BRIX1: variants seen among roughly 807,000 people sequenced by gnomAD.
BRIX1 encodes biogenesis of ribosomes BRX1.
BRIX1 carries 15 observed loss-of-function variants against 44.0 expected under a neutral mutation model. The ratio of observed to expected loss-of-function variants is 0.34; its 90% confidence interval spans 0.23 to 0.53. The LOEUF is 0.53. Among genes scored for constraint, BRIX1 ranks in the 20% least tolerant of loss-of-function variants. BRIX1 has a pLI of 0.95. For missense variants in BRIX1, 420 were observed against 432.8 expected, an observed-to-expected ratio of 0.97 and a Z score of 0.26; for synonymous variants, 149 against 135.4, an observed-to-expected ratio of 1.10 and a Z score of -0.70.
intron 9 of BRIX1, 31 bp downstream of exon 9, chr5:34,925,006 A>G (rs907279388): frequency 9.3e-6 from 15 of 1,606,784 alleles, no homozygotes; most frequent in Non-Finnish European, 1.0e-5. Context: ...GTAGTCTTCA[A>G]TGTACCAGAA....
chr5:34,922,461 T>A, intron 4 of BRIX1, 78 bp from the exon 5 acceptor site: 1 of 979,858 alleles, frequency 1.0e-6, no homozygotes, highest in Non-Finnish European at 1.6e-6. Context: ...ATTATAAGCA[T>A]ATTATTTATG....
chr5:34,916,006 T>TAAC (rs1362602988), intron 1 of BRIX1, 109 bp downstream of exon 1: 2 of 1,311,008 alleles, frequency 1.5e-6, no homozygotes, highest in Non-Finnish European at 2.0e-6. Context: ...GCCCGGGTGT[T>TAAC]AACGGTAGGT....
chr5:34,923,859 T>C (rs1418295745), intron 8 of BRIX1, among the ~76,000 whole-genome samples: 3 of 152,226 alleles, frequency 2.0e-5, no homozygotes, highest in African/African-American at 4.8e-5. Flanking sequence ...CTCTACCTAC[T>C]TCTATTCATG....
intron 8 of BRIX1, 65 bp from the exon 9 acceptor site, chr5:34,924,782 T>C: frequency 3.7e-6 from 4 of 1,084,184 alleles, no homozygotes; most frequent in Non-Finnish European, 4.2e-6. Context: ...AATGAGGTTA[T>C]AGCCAGTATA....
chr5:34,923,605 C>G (rs909988566), intron 8 of BRIX1, among the ~76,000 whole-genome samples: 1 of 151,970 alleles, frequency 6.6e-6, no homozygotes, highest in Non-Finnish European at 1.5e-5. Flanking sequence ...GATAGAGTGT[C>G]GCAGTGTTGC....
chr5:34,922,892 T>C, intron 6 of BRIX1, 109 bp from the exon 7 acceptor site: 1 of 1,215,532 alleles, frequency 8.2e-7, no homozygotes, highest in Non-Finnish European at 1.2e-6. Context: ...TATCAATTCT[T>C]TCAGGTACAT....
intron 4 of BRIX1, 70 bp downstream of exon 4, chr5:34,922,357 T>A: frequency 9.6e-7 from 1 of 1,040,160 alleles, no homozygotes; most frequent in Non-Finnish European, 1.5e-6. Flanking sequence ...TTTTATGTTA[T>A]AGACTCCTAG....
rs148141260 is a variant in BRIX1, at chr5:34,924,517, A to G, written c.664-330A>G. Among the ~76,000 whole-genome samples, 23 of 152,348 alleles carry G rather than the reference A, an allele frequency of 1.5e-4. No individual in the cohort carries two copies. In the East Asian group the frequency reaches 4.0e-3, roughly 27 times the overall value. Reference sequence around the variant, plus strand: ...AAGAGTTCCCCCATAATGTGCTTTAATACATTTTGTTAATAGTGGTTACTG... The same window carrying G: ...AAGAGTTCCCCCATAATGTGCTTTAGTACATTTTGTTAATAGTGGTTACTG... On this transcript the variant is annotated intron_variant, in intron 8 of 9. Transcript: ENST00000336767.
chr5:34,916,277 C>T (rs1325273945), intron 1 of BRIX1: 1 of 158,770 alleles, frequency 6.3e-6, no homozygotes, highest in East Asian at 1.8e-4. Context: ...CATATACTGC[C>T]ATAGTCAGCC....
At chr5:34,921,386 T>C (rs1008133114) in intron 3 of BRIX1, 3 of 152,074 alleles carry the variant, frequency 2.0e-5, no homozygotes, top group African/African-American at 7.2e-5. Flanking sequence ...ATAGTATAAA[T>C]GAAGAACAAC....
Position 34,917,072 on chromosome 5 carries a change from C to T in BRIX1, c.159+1175C>T, listed in dbSNP as rs1764122335. Among the ~76,000 whole-genome samples the T allele has an allele frequency of 2.0e-5, 3 of 151,448 alleles. No homozygotes were observed. The South Asian group carries it at 6.3e-4, about 32-fold the overall frequency. On this transcript the variant is annotated intron_variant, in intron 1 of 9. Coordinates refer to ENST00000336767, the MANE Select transcript of BRIX1 (RefSeq NM_018321.4). ...ATAAAGAATCATGAAGGATTTAGCC[C>T]GTAAGCTGCATATCAGAGGAAGTGT...
chr5:34,925,354 T>C lies in BRIX1; in HGVS notation c.921T>C (p.Phe307=). ...LLPHDPTADV[F]VTPAEEKPIE... The stretch of plus-strand genomic sequence containing the variant: ...CACATGATCCCACTGCAGATGTTTT[T>C]GTAACACCAGCTGAGGAGAAACCAA... The change falls in exon 10 of 10, where the codon TTT becomes TTC. Residue 307 remains phenylalanine, a synonymous_variant. Transcript: ENST00000336767. 2 of 1,614,046 alleles carry C rather than the reference T, an allele frequency of 1.2e-6. No individual in the cohort carries two copies. Among genetic ancestry groups the C allele is most frequent in the Non-Finnish European group, 1.7e-6 (2 of 1,179,994 alleles).
intron 1 of BRIX1, among the ~76,000 whole-genome samples, chr5:34,917,450 G>T (rs1764139762): frequency 6.6e-6 from 1 of 151,776 alleles, no homozygotes; most frequent in South Asian, 2.1e-4. Context: ...TGGCCAAGAT[G>T]GTGAAACCCC....
intron 1 of BRIX1, chr5:34,916,715 C>T (rs1016630247): frequency 6.6e-6 from 1 of 152,218 alleles, no homozygotes; most frequent in African/African-American, 2.4e-5. Context: ...GCATAGTACT[C>T]TAGCGCGGAG....
At chr5:34,923,078 A>G in intron 7 of BRIX1, 27 bp downstream of exon 7, 2 of 1,576,936 alleles carry the variant, frequency 1.3e-6, no homozygotes, top group Non-Finnish European at 1.7e-6. Context: ...TTAGCTATCC[A>G]AAATATACAT....
chr5:34,916,221 T>C (rs1764084431), intron 1 of BRIX1: 1 of 206,546 alleles, frequency 4.8e-6, no homozygotes, highest in Admixed American at 5.7e-5. Flanking sequence ...AGTAGTGCTT[T>C]TCCTTGGTTA....
At chr5:34,915,944 C>A in intron 1 of BRIX1, 47 bp downstream of exon 1, 1 of 1,490,938 alleles carries the variant, frequency 6.7e-7, no homozygotes, top group Non-Finnish European at 8.9e-7. Context: ...CGGCTCTGTG[C>A]GCCTTTTCTT....
rs772242188 is a variant in BRIX1, at chr5:34,922,535, T to C, written c.387-4T>C. 178 of 1,596,236 alleles carry C rather than the reference T, an allele frequency of 1.1e-4. No homozygotes were observed. Among genetic ancestry groups the C allele is most frequent in the Non-Finnish European group, 1.5e-4 (174 of 1,164,594 alleles). On this transcript the variant is annotated splice_polypyrimidine_tract_variant and splice_region_variant and intron_variant, in intron 4 of 9. Transcript: ENST00000336767. ...GTTGAAAAAGCTTACTCCATATCTT[T>C]CAGGCTTTCAAATTCACCTCACGGA...
rs1327268433 is a variant in BRIX1, at chr5:34,915,824, C to T, written c.86C>T (p.Pro29Leu). The T allele has an allele frequency of 1.3e-6, 2 of 1,574,736 alleles. No individual in the cohort carries two copies. Among genetic ancestry groups the T allele is most frequent in the African/African-American group, 2.7e-5 (2 of 73,966 alleles). Reference protein sequence around the residue: ...PKRNEIDAEPPAKRHATAEEV... With the variant: ...PKRNEIDAEPLAKRHATAEEV... ...AGAAACGAAATAGATGCGGAGCCGC[C>T]AGCTAAGCGGCACGCCACAGCAGAG... The change falls in exon 1 of 10, where the codon CCA becomes CTA. Residue 29 changes from proline (P) to leucine (L), a missense_variant. Pro to Leu is a moderately conservative substitution (Grantham distance 98). Transcript: ENST00000336767.
Sources: allele counts gnomAD v4.1 joint callset (sites outside exome capture counted in the v4.1 genomes callset), GRCh38; gene constraint gnomAD v4.1.1; transcripts MANE v1.5; gene names NCBI Gene and HGNC (gene_info 2026-07-23, HGNC 2026-07-21).